Variants in PPFIA2 observed in about 807,000 individuals in gnomAD.
The protein encoded by PPFIA2 is liprin-alpha-2.
PPFIA2 carries 46 observed loss-of-function variants against 175.5 expected under a neutral mutation model. That is an observed-to-expected ratio of 0.26 (90% CI 0.21 to 0.34). The LOEUF is 0.34. Among genes scored for constraint, PPFIA2 ranks in the 10% least tolerant of loss-of-function variants. The pLI, the probability that PPFIA2 is intolerant of heterozygous loss-of-function variation, is 1.00. For synonymous variants in PPFIA2, 568 were observed against 511.4 expected, an observed-to-expected ratio of 1.11 and a Z score of -1.49; for missense variants, 1,179 against 1,506.1, an observed-to-expected ratio of 0.78 and a Z score of 3.60.
intron 4 of PPFIA2, among the ~76,000 whole-genome samples, chr12:81,563,313 T>G (rs2070589027): frequency 1.3e-5 from 2 of 152,170 alleles, no homozygotes; most frequent in African/African-American, 4.8e-5. Context: ...ACTTAAGGAT[T>G]TACTAACACG....
intron 4 of PPFIA2, among the ~76,000 whole-genome samples, chr12:81,596,446 T>G (rs1044776987): frequency 2.0e-5 from 3 of 152,070 alleles, no homozygotes; most frequent in South Asian, 4.1e-4. Flanking sequence ...AATTTATATC[T>G]TATCTTAATT....
At chr12:81,663,560 C>A (rs1021421363) in intron 4 of PPFIA2, among the ~76,000 whole-genome samples, 1 of 152,148 alleles carries the variant, frequency 6.6e-6, no homozygotes, top group Admixed American at 6.5e-5. Context: ...AATGGAAGAA[C>A]ATTCCATGCT....
At chr12:81,419,920 C>T (rs937039355) in intron 7 of PPFIA2, among the ~76,000 whole-genome samples, 32 of 152,176 alleles carry the variant, frequency 2.1e-4, no homozygotes, top group Non-Finnish European at 7.3e-5. Flanking sequence ...TCTACCACAA[C>T]TTCTCCTGTG....
chr12:81,460,823 C>A (rs1341721974), intron 4 of PPFIA2, among the ~76,000 whole-genome samples: 2 of 151,968 alleles, frequency 1.3e-5, no homozygotes, highest in Non-Finnish European at 2.9e-5. Flanking sequence ...AATAACACAC[C>A]TTAAGAAACT....
At chr12:81,491,213 GTTTT>G (rs950068645) in intron 4 of PPFIA2, among the ~76,000 whole-genome samples, 1 of 90,564 alleles carries the variant, frequency 1.1e-5, no homozygotes, top group African/African-American at 6.2e-5. Flanking sequence ...TACTTTTTTT[GTTTT>G]TTTGCTTTGT....
chr12:81,439,166 CCTCTCTCTCT>C (rs375429110), intron 7 of PPFIA2, among the ~76,000 whole-genome samples: 2 of 146,356 alleles, frequency 1.4e-5, no homozygotes, highest in African/African-American at 5.0e-5. Flanking sequence ...TCTCTCTCTC[CCTCTCTCTCT>C]CTCTCTCTCT....
chr12:81,717,779 T>C (rs1013089848), intron 3 of PPFIA2, among the ~76,000 whole-genome samples: 4 of 151,656 alleles, frequency 2.6e-5, no homozygotes, highest in Non-Finnish European at 5.9e-5. Flanking sequence ...GTAAGGAGAA[T>C]CTGAGATGTG....
At chr12:81,674,864 C>T (rs1036090547) in intron 4 of PPFIA2, among the ~76,000 whole-genome samples, 1 of 151,864 alleles carries the variant, frequency 6.6e-6, no homozygotes. Flanking sequence ...ACCTTAGATA[C>T]TTAGGGCTAA....
At chr12:81,468,595 T>G (rs2056171837) in intron 4 of PPFIA2, among the ~76,000 whole-genome samples, 1 of 152,112 alleles carries the variant, frequency 6.6e-6, no homozygotes, top group Non-Finnish European at 1.5e-5. Context: ...TATTTAAATC[T>G]CCCAACATAG....
At chr12:81,613,418 C>A (rs1567574483) in intron 4 of PPFIA2, among the ~76,000 whole-genome samples, 1 of 152,142 alleles carries the variant, frequency 6.6e-6, no homozygotes, top group East Asian at 1.9e-4. Context: ...TTATGTAGTG[C>A]ACTTTTGTTG....
intron 9 of PPFIA2, among the ~76,000 whole-genome samples, chr12:81,381,759 G>A (rs967966525): frequency 2.0e-5 from 3 of 152,118 alleles, no homozygotes; most frequent in Non-Finnish European, 2.9e-5. Flanking sequence ...GTGCTGCAGT[G>A]GAGCAGTCTA....
chr12:81,358,148 G>A lies in PPFIA2; in HGVS notation c.1707C>T (p.Tyr569=), dbSNP rs1230226044. Residue 569 remains tyrosine, a synonymous_variant, in exon 16 of 33, where the codon TAC becomes TAT. Coordinates refer to ENST00000549396, the MANE Select transcript of PPFIA2 (RefSeq NM_003625.5). ...GTCTTCTTATTACTTTAGTTGTTCT[G>A]TAATCAGACTGGCTGTCCACTAGGG... is the stretch of plus-strand genomic sequence containing the variant. ...VGSLVDSQSD[Y]RTTKVIRRPR... 8 of 1,600,568 alleles carry A rather than the reference G, an allele frequency of 5.0e-6. No homozygotes were observed. Among genetic ancestry groups the A allele is most frequent in the Non-Finnish European group, 6.8e-6 (8 of 1,173,028 alleles).
At chr12:81,704,470 C>T (rs2076865083) in intron 3 of PPFIA2, among the ~76,000 whole-genome samples, 1 of 151,956 alleles carries the variant, frequency 6.6e-6, no homozygotes, top group Non-Finnish European at 1.5e-5. Context: ...AAAATGACTT[C>T]ATGATGAGAA....
At chr12:81,327,042 A>G (rs1318352611) in intron 21 of PPFIA2, among the ~76,000 whole-genome samples, 1 of 152,114 alleles carries the variant, frequency 6.6e-6, no homozygotes, top group Non-Finnish European at 1.5e-5. Context: ...AGGTGCCAAA[A>G]GCAAATTTTG....
At chr12:81,494,694 C>T (rs1405698838) in intron 4 of PPFIA2, among the ~76,000 whole-genome samples, 2 of 151,816 alleles carry the variant, frequency 1.3e-5, no homozygotes, top group Non-Finnish European at 2.9e-5. Flanking sequence ...GGAACCAACC[C>T]AAATGTCCAA....
intron 4 of PPFIA2, chr12:81,675,399 T>C (rs563326013): frequency 2.6e-4 from 39 of 152,130 alleles, no homozygotes; most frequent in African/African-American, 8.7e-4. Context: ...ATTCAATCTT[T>C]CATGTTTAGA....
chr12:81,271,024 G>A (rs1427995969), intron 28 of PPFIA2, among the ~76,000 whole-genome samples: 1 of 152,102 alleles, frequency 6.6e-6, no homozygotes, highest in African/African-American at 2.4e-5. Context: ...ATATTTGCAT[G>A]TATACCTCAT....
chr12:81,620,484 A>G (rs1461822388), intron 4 of PPFIA2, among the ~76,000 whole-genome samples: 1 of 152,184 alleles, frequency 6.6e-6, no homozygotes, highest in East Asian at 1.9e-4. Context: ...AGAACCATAA[A>G]GATATAAACA....
intron 15 of PPFIA2, among the ~76,000 whole-genome samples, chr12:81,358,770 C>T (rs565347955): frequency 6.6e-6 from 1 of 151,964 alleles, no homozygotes; most frequent in Non-Finnish European, 1.5e-5. Flanking sequence ...TTTAGATGGA[C>T]CCAAGGCTTA....
Sources: gnomAD v4.1 joint callset for allele counts (sites outside exome capture counted in the v4.1 genomes callset) on GRCh38, gnomAD v4.1.1 for gene constraint, MANE v1.5 for transcripts, NCBI Gene and HGNC (gene_info 2026-07-23, HGNC 2026-07-21) for gene names.